The following BIRC6 variants were observed in gnomAD, a reference collection of about 807,000 sequenced individuals.
The protein encoded by BIRC6 is baculoviral IAP repeat containing 6.
Under a neutral mutation model 503.3 loss-of-function variants are expected in BIRC6, and 98 were observed. That is an observed-to-expected ratio of 0.19 (90% CI 0.17 to 0.23). The LOEUF (loss-of-function observed/expected upper bound fraction) is 0.23, where lower values mean the gene tolerates loss of function less well. BIRC6 is among the 10% of genes least tolerant of loss of function. BIRC6 has a pLI of 1.00. For missense variants in BIRC6, 5,360 were observed against 5,806.0 expected (o/e 0.92, Z 2.50); for synonymous variants, 2,240 against 2,078.7 (o/e 1.08, Z -2.11).
chr2:32,590,200 A>G (rs966315528), intron 66 of BIRC6, among the ~76,000 whole-genome samples: 2 of 152,162 alleles, frequency 1.3e-5, no homozygotes, highest in Non-Finnish European at 2.9e-5. Flanking sequence ...AATCTAAACT[A>G]TAATTACTGT....
chr2:32,592,905 G>C (rs1365566035), intron 66 of BIRC6, among the ~76,000 whole-genome samples: 2 of 152,010 alleles, frequency 1.3e-5, no homozygotes, highest in African/African-American at 4.8e-5. Flanking sequence ...TATTTGTTAA[G>C]GATTCTTCTA....
chr2:32,509,168 T>C (rs1341361035), intron 51 of BIRC6, among the ~76,000 whole-genome samples: 1 of 152,170 alleles, frequency 6.6e-6, no homozygotes, highest in African/African-American at 2.4e-5. Context: ...TATAATTGCA[T>C]GTAAAAGAAA....
chr2:32,463,382 GTTGGA>G lies in BIRC6; in HGVS notation c.4941+2_4941+6del, dbSNP rs750524048. 6.2e-7 allele frequency: 1 copy of G among 1,605,776 alleles called. No homozygotes were observed. Among genetic ancestry groups the G allele is most frequent in the Non-Finnish European group, 8.5e-7 (1 of 1,176,426 alleles). On this transcript the variant is annotated splice_donor_variant and splice_donor_5th_base_variant and intron_variant, in intron 24 of 73. Transcript: ENST00000421745. LOFTEE classifies it high-confidence loss of function. Reference sequence around the variant, plus strand: ...GCAGCTTTTGAAGCTTCAGCAACAGGTTGGAGACTATTTGGCTCTTTGTTCATGCT... The same window carrying G: ...GCAGCTTTTGAAGCTTCAGCAACAGGGACTATTTGGCTCTTTGTTCATGCT...
chr2:32,385,825 C>G (rs2038370250), intron 3 of BIRC6, among the ~76,000 whole-genome samples: 1 of 152,132 alleles, frequency 6.6e-6, no homozygotes, highest in Non-Finnish European at 1.5e-5. Context: ...TAAATATTGG[C>G]TCCCAAATCC....
At chr2:32,559,698 T>TGG (rs113520058) in intron 65 of BIRC6, among the ~76,000 whole-genome samples, 1 of 144,096 alleles carries the variant, frequency 6.9e-6, no homozygotes, top group Admixed American at 7.0e-5. Context: ...CTCCTCTTGG[T>TGG]TGGGGGGGTC....
chr2:32,407,349 G>A (rs1383182431), intron 9 of BIRC6, among the ~76,000 whole-genome samples: 1 of 151,528 alleles, frequency 6.6e-6, no homozygotes, highest in African/African-American at 2.4e-5. Context: ...GGAGGCTGAG[G>A]CAGGAGAATC....
At chr2:32,550,361 C>T (rs1428467621) in intron 65 of BIRC6, among the ~76,000 whole-genome samples, 1 of 152,028 alleles carries the variant, frequency 6.6e-6, no homozygotes, top group Non-Finnish European at 1.5e-5. Context: ...GCCCGTATTC[C>T]CCAGTATCAG....
intron 9 of BIRC6, among the ~76,000 whole-genome samples, chr2:32,409,558 A>G (rs903403553): frequency 1.5e-4 from 23 of 152,222 alleles, no homozygotes; most frequent in Non-Finnish European, 2.6e-4. Flanking sequence ...AGAGGACTGC[A>G]TAGGGAAAAG....
intron 73 of BIRC6, among the ~76,000 whole-genome samples, chr2:32,615,621 GT>G (rs1258992771): frequency 1.3e-5 from 2 of 151,902 alleles, no homozygotes; most frequent in African/African-American, 4.8e-5. Flanking sequence ...ACACTATTTA[GT>G]TTTTATTTAT....
At chr2:32,509,587 T>C in intron 51 of BIRC6, 151 bp from the exon 52 acceptor site, 1 of 848,218 alleles carries the variant, frequency 1.2e-6, no homozygotes, top group South Asian at 1.8e-5. Context: ...TACTGTCTGT[T>C]TACTTAATTT....
intron 70 of BIRC6, 84 bp from the exon 71 acceptor site, chr2:32,602,922 G>A (rs1394427612): frequency 1.6e-5 from 18 of 1,105,464 alleles, no homozygotes; most frequent in African/African-American, 1.1e-4. Flanking sequence ...TGACAGGATA[G>A]CATTTTGTTT....
At chr2:32,367,940 G>T (rs1050028092) in intron 1 of BIRC6, among the ~76,000 whole-genome samples, 2 of 152,338 alleles carry the variant, frequency 1.3e-5, no homozygotes, top group South Asian at 2.1e-4. Flanking sequence ...TTTGAGTGGG[G>T]AAGATGGGAA....
chr2:32,572,481 G>A (rs1355831823), intron 65 of BIRC6, among the ~76,000 whole-genome samples: 2 of 152,154 alleles, frequency 1.3e-5, no homozygotes, highest in Admixed American at 1.3e-4. Context: ...ATAGAATATA[G>A]GCATTTAAAA....
chr2:32,371,527 G>A (rs766395799), intron 1 of BIRC6, among the ~76,000 whole-genome samples: 1 of 151,500 alleles, frequency 6.6e-6, no homozygotes. Context: ...GGTTCATGCC[G>A]CCATGCCCGG....
chr2:32,490,010 A>G (rs1303207193), intron 42 of BIRC6, 31 bp from the exon 43 acceptor site: 1 of 1,452,032 alleles, frequency 6.9e-7, no homozygotes, highest in Admixed American at 1.8e-5. Context: ...GTTTTTCTGA[A>G]AAATATTTTC....
chr2:32,442,063 A>G lies in BIRC6; in HGVS notation c.3945-2A>G. 6.6e-7 allele frequency: 1 copy of G among 1,523,924 alleles called. No homozygotes were observed. Among genetic ancestry groups the G allele is most frequent in the South Asian group, 1.3e-5 (1 of 74,252 alleles). 94.4% of individuals were successfully genotyped at this position (1,523,924 alleles called of 1,614,324 possible). A position where few individuals can be genotyped will look rare whatever the true frequency, so the allele number is the denominator to read the frequency against. ...ATGTGTTTATATTTTCTTTTTTTGT[A>G]GAGTGCAACGATGTGCCATGTTACA... On this transcript the variant is annotated splice_acceptor_variant, in intron 17 of 73. Transcript: ENST00000421745. LOFTEE classifies it high-confidence loss of function.
chr2:32,402,732 GC>G (rs987520677), intron 8 of BIRC6, among the ~76,000 whole-genome samples: 26 of 152,070 alleles, frequency 1.7e-4, no homozygotes, highest in African/African-American at 5.8e-4. Flanking sequence ...TAGATATTAA[GC>G]ATGCTTAATT....
Position 32,388,914 on chromosome 2 carries a change from C to T in BIRC6, c.810C>T (p.Leu270=), listed in dbSNP as rs1457477670. 5.0e-6 allele frequency: 8 copies of T among 1,603,954 alleles called. No individual in the cohort carries two copies. Among genetic ancestry groups the T allele is most frequent in the East Asian group, 2.3e-5 (1 of 44,430 alleles). ...TCTTACCTAGTGCACGTCCAGAACT[C>T]GGAGTGGGGCCAGGCCGTTCTGTAG... is the stretch of plus-strand genomic sequence containing the variant. The part of the protein sequence containing the change: ...SYLLPSARPE[L]GVGPGRSVDR... Residue 270 remains leucine, a synonymous_variant, in exon 4 of 74, where the codon CTC becomes CTT. Transcript: ENST00000421745.
In BIRC6 at chr2:32,406,589, A is replaced by C. The variant is rs772601270; in HGVS notation, c.1477+32A>C. ...AAAAAGTATTAGATAATGTATTTAA[A>C]AAATTCTTTACACAGTTGTGCATAC... is the stretch of plus-strand genomic sequence containing the variant. On this transcript the variant is annotated intron_variant, in intron 9 of 73. Coordinates refer to ENST00000421745, the MANE Select transcript of BIRC6 (RefSeq NM_016252.4). 3 of 1,492,654 alleles carry C rather than the reference A, an allele frequency of 2.0e-6. No homozygotes were observed. The African/African-American group carries it at 4.2e-5, about 21-fold the overall frequency. 92.5% of individuals were successfully genotyped at this position (1,492,654 alleles called of 1,614,324 possible). A position where few individuals can be genotyped will look rare whatever the true frequency, so the allele number is the denominator to read the frequency against.
Sources: allele counts gnomAD v4.1 joint callset (sites outside exome capture counted in the v4.1 genomes callset), GRCh38; gene constraint gnomAD v4.1.1; transcripts MANE v1.5; gene names NCBI Gene and HGNC (gene_info 2026-07-23, HGNC 2026-07-21).